HBP1: variants seen among roughly 807,000 people sequenced by gnomAD.
The protein encoded by HBP1 is HMG-box transcription factor 1, also known as HMG box-containing protein 1.
A neutral mutation model predicts 62.6 loss-of-function variants in HBP1; 20 were observed. The ratio of observed to expected loss-of-function variants is 0.32; its 90% CI spans 0.22 to 0.46. The LOEUF is 0.46. HBP1 is among the 20% of genes least tolerant of loss of function. The probability of loss-of-function intolerance (pLI) is 1.00; values close to 1 mark genes in which losing one functional copy is unlikely to be tolerated. For missense variants in HBP1, 480 were observed against 611.8 expected (o/e 0.78, Z 2.27); for synonymous variants, 232 against 206.2 (o/e 1.12, Z -1.07).
intron 2 of HBP1, among the ~76,000 whole-genome samples, chr7:107,180,787 T>G (rs1420988383): frequency 6.6e-6 from 1 of 152,188 alleles, no homozygotes; most frequent in Non-Finnish European, 1.5e-5. Flanking sequence ...ATAACCTGCT[T>G]GAATGCCAAG....
chr7:107,171,719 G>C (rs1233957664), intron 1 of HBP1, among the ~76,000 whole-genome samples: 2 of 151,894 alleles, frequency 1.3e-5, no homozygotes, highest in Non-Finnish European at 1.5e-5. Flanking sequence ...AGTTAGCTGG[G>C]CATGGTGGCG....
intron 1 of HBP1, among the ~76,000 whole-genome samples, chr7:107,171,046 AATAT>A (rs374693805): frequency 1.5e-4 from 9 of 60,504 alleles, no homozygotes; most frequent in South Asian, 4.7e-4. Context: ...TACATGTATA[AATAT>A]ATATATATAT....
chr7:107,188,512 C>T (rs148235404), intron 6 of HBP1, among the ~76,000 whole-genome samples: 3 of 152,230 alleles, frequency 2.0e-5, no homozygotes, highest in Admixed American at 6.5e-5. Context: ...AAGCTTTTGG[C>T]GTGTTTGTCT....
chr7:107,175,991 C>G (rs1267366833), intron 1 of HBP1, among the ~76,000 whole-genome samples: 15 of 151,932 alleles, frequency 9.9e-5, no homozygotes, highest in Admixed American at 8.5e-4. Flanking sequence ...GCTGGGATTA[C>G]AGGCGTGAGC....
intron 1 of HBP1, among the ~76,000 whole-genome samples, chr7:107,170,349 A>G (rs1488032580): frequency 6.6e-6 from 1 of 152,194 alleles, no homozygotes; most frequent in Non-Finnish European, 1.5e-5. Flanking sequence ...GAGAATTAGA[A>G]TAATTTTAAC....
At chr7:107,183,386 G>A (rs1045117921) in intron 3 of HBP1, among the ~76,000 whole-genome samples, 14 of 152,118 alleles carry the variant, frequency 9.2e-5, no homozygotes, top group African/African-American at 2.9e-4. Flanking sequence ...AACTTATTAG[G>A]TATGAAATCT....
chr7:107,195,399 T>C (rs1797844537), intron 8 of HBP1, among the ~76,000 whole-genome samples: 1 of 152,190 alleles, frequency 6.6e-6, no homozygotes, highest in Non-Finnish European at 1.5e-5. Context: ...TCCTTAGGCC[T>C]GGTATGTTGC....
At chr7:107,185,989 T>C (rs760397304) in intron 4 of HBP1, 47 bp downstream of exon 4, 6 of 1,412,328 alleles carry the variant, frequency 4.2e-6, no homozygotes, top group South Asian at 2.3e-5. Context: ...TGTACAACAG[T>C]TGAAGTACAT....
intron 4 of HBP1, among the ~76,000 whole-genome samples, chr7:107,186,147 C>CTT (rs961142033): frequency 7.4e-6 from 1 of 135,112 alleles, no homozygotes; most frequent in Non-Finnish European, 1.6e-5. Context: ...TTGTGTGTGT[C>CTT]TTTTTTTTCT....
At chr7:107,198,848 G>C (rs918121640) in intron 9 of HBP1, among the ~76,000 whole-genome samples, 5 of 152,140 alleles carry the variant, frequency 3.3e-5, no homozygotes, top group African/African-American at 1.2e-4. Flanking sequence ...ACAGAGTATA[G>C]TCTACAGCAT....
Position 107,198,517 on chromosome 7 carries a change from G to T in HBP1, c.1386-1643G>T, listed in dbSNP as rs115380604. On this transcript the variant is annotated intron_variant, in intron 9 of 10. Coordinates refer to ENST00000222574, the MANE Select transcript of HBP1 (RefSeq NM_012257.4). The stretch of plus-strand genomic sequence containing the variant: ...GAGCCACCGTGCCCAGCCAAATCTG[G>T]TATTTTCTTTGCATTTTAGCATTGC... 2.9e-3 allele frequency among the ~76,000 whole-genome samples: 436 copies of T among 152,164 alleles called. 1 individual carries two copies. The highest frequency in any genetic ancestry group is 0.01 in the African/African-American group (425 of 41,534).
At chr7:107,171,870 A>C (rs1279413007) in intron 1 of HBP1, among the ~76,000 whole-genome samples, 2 of 151,846 alleles carry the variant, frequency 1.3e-5, no homozygotes, top group African/African-American at 2.4e-5. Context: ...CAAAAAAAAA[A>C]AAAAAAAAGA....
In HBP1 at chr7:107,196,033, T is replaced by C. The variant is rs775245413; in HGVS notation, c.1267T>C (p.Ser423Pro). 6.2e-7 allele frequency: 1 copy of C among 1,613,522 alleles called. No homozygotes were observed. Among genetic ancestry groups the C allele is most frequent in the Non-Finnish European group, 8.5e-7 (1 of 1,179,412 alleles). The stretch of plus-strand genomic sequence containing the variant: ...TGCTAAAGCTGTCAAAAACCACAGC[T>C]CAGGGACTGTGAGTGCCACTTCTCC... ...LYAKAVKNHSSGTVSATSPNK... is the reference protein window; with the variant it reads ...LYAKAVKNHSPGTVSATSPNK... The change falls in exon 9 of 11, where the codon TCA becomes CCA. Residue 423 changes from serine (S) to proline (P), a missense_variant. By Grantham distance (74) the Ser-to-Pro change is moderately conservative. Transcript: ENST00000222574.
At chr7:107,169,392 G>A (rs1274331383) in intron 1 of HBP1, among the ~76,000 whole-genome samples, 1 of 150,450 alleles carries the variant, frequency 6.6e-6, no homozygotes. Flanking sequence ...GCTTCGGGGC[G>A]GCGGCGCTAG....
At chr7:107,175,551 A>T (rs747834910) in intron 1 of HBP1, among the ~76,000 whole-genome samples, 1 of 150,888 alleles carries the variant, frequency 6.6e-6, no homozygotes, top group Non-Finnish European at 1.5e-5. Flanking sequence ...CTTTCCATAT[A>T]GTAGTAGTAG....
At chr7:107,174,696 C>T (rs368662159) in intron 1 of HBP1, 11 of 984,508 alleles carry the variant, frequency 1.1e-5, no homozygotes, top group East Asian at 2.3e-4. Flanking sequence ...CAGAGGATAG[C>T]TCTGAAGAGA....
At chr7:107,182,335 A>C (rs929588907) in intron 2 of HBP1, 38 bp from the exon 3 acceptor site, 1 of 1,113,202 alleles carries the variant, frequency 9.0e-7, no homozygotes, top group African/African-American at 1.5e-5. Flanking sequence ...TTGTATTAGT[A>C]ATTTCCTTTT....
At chr7:107,194,029 C>G (rs1797774380) in intron 8 of HBP1, among the ~76,000 whole-genome samples, 1 of 152,122 alleles carries the variant, frequency 6.6e-6, no homozygotes, top group Non-Finnish European at 1.5e-5. Context: ...GGCATGTACA[C>G]AAAGTAGAGC....
Position 107,196,101 on chromosome 7 carries a change from C to T in HBP1, c.1335C>T (p.Ala445=). The T allele has an allele frequency of 1.9e-6, 3 of 1,610,382 alleles. No individual in the cohort carries two copies. The highest frequency in any genetic ancestry group is 8.5e-7 in the Non-Finnish European group (1 of 1,177,468). ...CAATGAATGCCTTCATGCTTTTTGC[C>T]AAAAAATACAGAGTTGAATATACTC... ...KRPMNAFMLF[A]KKYRVEYTQM... Residue 445 remains alanine, a synonymous_variant, in exon 9 of 11, where the codon GCC becomes GCT. Transcript: ENST00000222574.
Sources: gnomAD v4.1 joint callset for allele counts (sites outside exome capture counted in the v4.1 genomes callset) on GRCh38, gnomAD v4.1.1 for gene constraint, MANE v1.5 for transcripts, NCBI Gene and HGNC (gene_info 2026-07-23, HGNC 2026-07-21) for gene names.